GRAMD4: variants seen among roughly 807,000 people sequenced by gnomAD.
The protein encoded by GRAMD4 is GRAM domain containing 4, also known as GRAM domain-containing protein 4.
Under a neutral mutation model 83.9 loss-of-function variants are expected in GRAMD4, and 25 were observed. The ratio of observed to expected loss-of-function variants is 0.30; its 90% CI spans 0.22 to 0.42. The LOEUF (loss-of-function observed/expected upper bound fraction) is 0.42, where lower values mean the gene tolerates loss of function less well. Ranked by LOEUF, GRAMD4 falls within the 10% of genes least tolerant of loss-of-function variation. The pLI, the probability that GRAMD4 is intolerant of heterozygous loss-of-function variation, is 1.00. For synonymous variants in GRAMD4, 336 were observed against 320.9 expected (o/e 1.05, Z -0.50); for missense variants, 593 against 788.7 (o/e 0.75, Z 2.97).
Position 46,679,085 on chromosome 22 carries a change from A to G in GRAMD4, c.*1834A>G, listed in dbSNP as rs933974624. The G allele has an allele frequency of 1.0e-6, 1 of 985,440 alleles. No homozygotes were observed. The highest frequency in any genetic ancestry group is 1.2e-6 in the Non-Finnish European group (1 of 829,974). 61.0% of individuals were successfully genotyped at this position (985,440 alleles called of 1,614,324 possible). On this transcript the variant is annotated 3_prime_UTR_variant, in exon 19 of 19. Transcript: ENST00000406902. Reference sequence around the variant, plus strand: ...GCGCCTGAGGCAACACAGGGTGGGCACTGACCCACCCCCAGGGGCGGCTGC... The same window carrying G: ...GCGCCTGAGGCAACACAGGGTGGGCGCTGACCCACCCCCAGGGGCGGCTGC...
Position 46,623,860 on chromosome 22 carries a change from C to T in GRAMD4, c.-49-2891C>T, listed in dbSNP as rs185712902. ...GCAGTGGCGTGATCTCGGCTCACTG[C>T]AACCTCCACCTCCCGGGTTCAAGCA... On this transcript the variant is annotated intron_variant, in intron 1 of 18. Coordinates refer to ENST00000406902, the MANE Select transcript of GRAMD4 (RefSeq NM_015124.5). Among the ~76,000 whole-genome samples the T allele has an allele frequency of 9.2e-5, 14 of 151,394 alleles. No individual in the cohort carries two copies. In the East Asian group the frequency reaches 2.7e-3, roughly 29 times the overall value.
chr22:46,605,113 T>A (rs1004638560), intron 1 of GRAMD4, among the ~76,000 whole-genome samples: 3 of 148,420 alleles, frequency 2.0e-5, no homozygotes, highest in Non-Finnish European at 4.5e-5. Flanking sequence ...GTTCTCTGGG[T>A]TCACCCAGGT....
chr22:46,661,801 G>C (rs1260437680), intron 5 of GRAMD4, among the ~76,000 whole-genome samples: 2 of 152,250 alleles, frequency 1.3e-5, no homozygotes, highest in South Asian at 4.1e-4. Flanking sequence ...CCGCTGCCCT[G>C]GTGCCTCCCC....
intron 1 of GRAMD4, among the ~76,000 whole-genome samples, chr22:46,595,735 G>A (rs5769008): frequency 0.64 from 97,901 of 152,170 alleles, 31,945 homozygotes; most frequent in African/African-American, 0.67. Context: ...CCAAGATGGG[G>A]ACACCCAGAG....
rs574090698 is a variant in GRAMD4, at chr22:46,632,304, G to C, written c.162+5343G>C. On this transcript the variant is annotated intron_variant, in intron 2 of 18. Transcript: ENST00000406902. Reference sequence around the variant, plus strand: ...AAGGAGGTGGGCATGCTTAGGGCTGGGGCAGCGTCTGGGGTGACCCCCGAC... The same window carrying C: ...AAGGAGGTGGGCATGCTTAGGGCTGCGGCAGCGTCTGGGGTGACCCCCGAC... Among the ~76,000 whole-genome samples, 3 of 152,336 alleles carry C rather than the reference G, an allele frequency of 2.0e-5. No homozygotes were observed. In the East Asian group the frequency reaches 5.8e-4, roughly 29 times the overall value.
At chr22:46,616,177 C>G (rs1351357962), upstream of GRAMD4, among the ~76,000 whole-genome samples, 22 of 52,252 alleles carry the variant, frequency 4.2e-4, no homozygotes, top group Middle Eastern at 0.017. Flanking sequence ...CCTGTGTGTA[C>G]GTTCCCCTGT....
At chr22:46,627,113 C>G in intron 2 of GRAMD4, 152 bp downstream of exon 2, 1 of 608,560 alleles carries the variant, frequency 1.6e-6, no homozygotes, top group Non-Finnish European at 2.9e-6. Flanking sequence ...GCTCCCGACC[C>G]CTGCAGACCT....
upstream of GRAMD4, among the ~76,000 whole-genome samples, chr22:46,619,834 T>G (rs957568490): frequency 7.2e-5 from 11 of 151,884 alleles, no homozygotes; most frequent in Non-Finnish European, 1.2e-4. Flanking sequence ...TGGGGCCCAC[T>G]GCAGTGGGGG....
intron 3 of GRAMD4, among the ~76,000 whole-genome samples, chr22:46,648,686 T>G (rs149310933): frequency 3.6e-4 from 51 of 142,158 alleles, no homozygotes; most frequent in African/African-American, 1.4e-3. Context: ...GGTAAATGAT[T>G]GATGGATGGA....
chr22:46,682,295 T>C (rs1483613181), downstream of GRAMD4: 1 of 342,496 alleles, frequency 2.9e-6, no homozygotes, highest in South Asian at 1.2e-4. Context: ...CTACCACATG[T>C]CACAGCTGGC....
chr22:46,612,581 T>C lies in GRAMD4; in HGVS notation c.-49-14170T>C, dbSNP rs1161885173. 5.3e-5 allele frequency among the ~76,000 whole-genome samples: 8 copies of C among 152,232 alleles called. No homozygotes were observed. In the South Asian group the frequency reaches 1.2e-3, roughly 24 times the overall value. Reference sequence around the variant, plus strand: ...GGCCCAAGCTGGTGTAAGCCTGGACTGTGGCCCAGGTTCCCTGGAGATGGG... The same window carrying C: ...GGCCCAAGCTGGTGTAAGCCTGGACCGTGGCCCAGGTTCCCTGGAGATGGG... On this transcript the variant is annotated intron_variant, in intron 1 of 1. Transcript: ENST00000431155.
intron 2 of GRAMD4, among the ~76,000 whole-genome samples, chr22:46,636,644 A>G (rs902895506): frequency 6.6e-6 from 1 of 152,202 alleles, no homozygotes; most frequent in African/African-American, 2.4e-5. Context: ...CAGCTGGAGA[A>G]ATCGGGTCGC....
In GRAMD4 at chr22:46,672,001, G is replaced by A. The variant is rs758013044; in HGVS notation, c.1085-842G>A. Among the ~76,000 whole-genome samples, 1 of 152,244 alleles carries A rather than the reference G, an allele frequency of 6.6e-6. No homozygotes were observed. Among genetic ancestry groups the A allele is most frequent in the Admixed American group, 6.5e-5 (1 of 15,286 alleles). ...AACTCTGACCCTGGGGCCCCTGCAG[G>A]GAGGGCCTGCCACGTCTGGTCTGGT... On this transcript the variant is annotated intron_variant, in intron 13 of 18. Transcript: ENST00000406902. This position sits in a 1 kb window ranked among gnomAD's most constrained non-coding sequence, Gnocchi z 4.7.
chr22:46,639,415 G>C (rs1403787702), intron 3 of GRAMD4, among the ~76,000 whole-genome samples: 1 of 148,540 alleles, frequency 6.7e-6, no homozygotes, highest in East Asian at 1.9e-4. Context: ...TGCAGTGTTA[G>C]TTAATCCAGT....
At chr22:46,670,471 C>T (rs1395893838) in intron 13 of GRAMD4, among the ~76,000 whole-genome samples, 2 of 152,208 alleles carry the variant, frequency 1.3e-5, no homozygotes, top group African/African-American at 4.8e-5. Context: ...TCCTGTTGGA[C>T]CCCTAGGCCT....
chr22:46,672,857 A>T lies in GRAMD4; in HGVS notation c.1099A>T (p.Ile367Phe), dbSNP rs375447907. 6.2e-7 allele frequency: 1 copy of T among 1,612,544 alleles called. No individual in the cohort carries two copies. The highest frequency in any genetic ancestry group is 8.5e-7 in the Non-Finnish European group (1 of 1,179,456). The change falls in exon 14 of 19, where the codon ATC becomes TTC. Residue 367 changes from isoleucine to phenylalanine, a missense_variant. Physicochemically the swap from Ile to Phe is conservative, Grantham distance 21. Around this residue, in one of 4 missense-constraint regions of GRAMD4, gnomAD observed 171 missense variants for 199.6 expected, o/e 0.86. Coordinates refer to ENST00000406902, the MANE Select transcript of GRAMD4 (RefSeq NM_015124.5). This position sits in a 1 kb window ranked among gnomAD's most constrained non-coding sequence, Gnocchi z 4.7. ...CCTGCCCTCAGGACTCTATGCTGGT[A>T]TCAAGTTCTTCCTCATTGATTTCAT... ...VGLAVGLYAGIKFFLIDFIFK... is the reference protein window; with the variant it reads ...VGLAVGLYAGFKFFLIDFIFK...
Position 46,626,986 on chromosome 22 carries a change from G to A in GRAMD4, c.162+25G>A, listed in dbSNP as rs202033086. ...TGTGAGTACCTGTCCTCGTCCCCCGGTGTGGGCTGGGGTGTCGTCCCCGTC... is the reference window on the plus strand; with the variant it reads ...TGTGAGTACCTGTCCTCGTCCCCCGATGTGGGCTGGGGTGTCGTCCCCGTC... On this transcript the variant is annotated intron_variant, in intron 2 of 18. Transcript: ENST00000406902. The A allele has an allele frequency of 1.1e-4, 174 of 1,560,472 alleles. No individual in the cohort carries two copies. The African/African-American group carries it at 2.1e-3, about 19-fold the overall frequency.
intron 1 of GRAMD4, among the ~76,000 whole-genome samples, chr22:46,608,251 A>G (rs138532): frequency 0.76 from 116,056 of 152,232 alleles, 45,964 homozygotes; most frequent in East Asian, 1. Context: ...ATCTTCCATC[A>G]GGGCCGCCCG....
chr22:46,629,661 CG>C (rs1230503629), intron 2 of GRAMD4, among the ~76,000 whole-genome samples: 3 of 152,224 alleles, frequency 2.0e-5, no homozygotes, highest in African/African-American at 4.8e-5. Context: ...ATATTCCCAC[CG>C]GGTATACAGT....
Sources: gnomAD v4.1 joint callset for allele counts (sites outside exome capture counted in the v4.1 genomes callset) on GRCh38, gnomAD v4.1.1 for gene constraint, gnomAD v4.1.1 regional missense constraint, Gnocchi (gnomAD v3.1) non-coding constraint, MANE v1.5 for transcripts, NCBI Gene and HGNC (gene_info 2026-07-23, HGNC 2026-07-21) for gene names.